The following XKR6 variants were observed in gnomAD, a reference collection of about 807,000 sequenced individuals.
The protein encoded by XKR6 is XK related 6, also known as XK-related protein 6.
Under a neutral mutation model 56.7 loss-of-function variants are expected in XKR6, and 22 were observed. The ratio of observed to expected loss-of-function variants is 0.39; its 90% CI spans 0.28 to 0.55. The LOEUF is 0.55. Among genes scored for constraint, XKR6 ranks in the 20% least tolerant of loss-of-function variants. XKR6 has a pLI of 0.66. For synonymous variants in XKR6, 524 were observed against 387.8 expected, an observed-to-expected ratio of 1.35 and a Z score of -4.13; for missense variants, 852 against 889.0, an observed-to-expected ratio of 0.96 and a Z score of 0.53.
In XKR6 at chr8:10,982,980, C is replaced by A. The variant is rs1361060070; in HGVS notation, c.765-58150G>T. On this transcript the variant is annotated intron_variant, in intron 1 of 2. Transcript: ENST00000416569. ...CATTTAACTTCTCTAAGCCTATTTT[C>A]TTATTTGTGAAATGAAGGCCCATAC... 2.6e-5 allele frequency among the ~76,000 whole-genome samples: 4 copies of A among 152,154 alleles called. No individual in the cohort carries two copies. In the East Asian group the frequency reaches 7.7e-4, roughly 29 times the overall value.
At chr8:10,978,035 T>C (rs780071832) in intron 1 of XKR6, among the ~76,000 whole-genome samples, 5 of 152,050 alleles carry the variant, frequency 3.3e-5, no homozygotes, top group Non-Finnish European at 5.9e-5. Context: ...GGGTCTGCCT[T>C]ATTTAGCCTC....
In XKR6 at chr8:11,166,181, T is replaced by C. The variant is rs77914621; in HGVS notation, c.764+34395A>G. On this transcript the variant is annotated intron_variant, in intron 1 of 2. Coordinates refer to ENST00000416569, the MANE Select transcript of XKR6 (RefSeq NM_173683.4). ...CATGTTGGCCAGCCATACTATTCACTGAAGAGGAAAAAGACCATTGAACTA... is the reference window on the plus strand; with the variant it reads ...CATGTTGGCCAGCCATACTATTCACCGAAGAGGAAAAAGACCATTGAACTA... Among the ~76,000 whole-genome samples the C allele has an allele frequency of 7.3e-3, 1,115 of 152,310 alleles. 43 individuals carry two copies. The East Asian group carries it at 0.085, about 12-fold the overall frequency.
At position 11,053,055 on chromosome 8, in the gene XKR6, C is replaced by T. The variant is rs535984100; in HGVS notation, c.765-128225G>A. ...GGAGGGGCTGAAGCCCAGCTGACCC[C>T]CCCACGCGCCACCCTGTGCACCCAG... On this transcript the variant is annotated intron_variant, in intron 1 of 2. Coordinates refer to ENST00000416569, the MANE Select transcript of XKR6 (RefSeq NM_173683.4). 2.0e-5 allele frequency among the ~76,000 whole-genome samples: 3 copies of T among 152,282 alleles called. No individual in the cohort carries two copies. In the South Asian group the frequency reaches 6.2e-4, roughly 32 times the overall value.
At chr8:11,036,372 G>C (rs1333939315) in intron 1 of XKR6, among the ~76,000 whole-genome samples, 1 of 152,184 alleles carries the variant, frequency 6.6e-6, no homozygotes, top group African/African-American at 2.4e-5. Flanking sequence ...AAGCCACTGT[G>C]CCCCTATTTA....
chr8:10,994,655 T>C (rs970269980), intron 1 of XKR6, among the ~76,000 whole-genome samples: 2 of 152,150 alleles, frequency 1.3e-5, no homozygotes, highest in African/African-American at 4.8e-5. Context: ...GTGCATTGAG[T>C]GTGTACTCTC....
chr8:11,109,768 A>G (rs940148844), intron 1 of XKR6: 1 of 152,086 alleles, frequency 6.6e-6, no homozygotes, highest in African/African-American at 2.4e-5. Context: ...TGCCTGGTTA[A>G]TTCCTTCTGA....
chr8:10,956,483 T>C (rs1801892449), intron 1 of XKR6, among the ~76,000 whole-genome samples: 1 of 152,088 alleles, frequency 6.6e-6, no homozygotes, highest in African/African-American at 2.4e-5. Flanking sequence ...TCCCTGAGGC[T>C]GGAGAGGATG....
intron 1 of XKR6, among the ~76,000 whole-genome samples, chr8:11,039,964 T>C (rs941122234): frequency 6.6e-6 from 1 of 152,294 alleles, no homozygotes; most frequent in Admixed American, 6.5e-5. Flanking sequence ...TGCTGAATTA[T>C]TTATGCCACC....
At chr8:11,150,605 C>G (rs559027922) in intron 1 of XKR6, among the ~76,000 whole-genome samples, 17 of 152,186 alleles carry the variant, frequency 1.1e-4, no homozygotes, top group African/African-American at 3.1e-4. Context: ...ATAATCCCAG[C>G]ACTTCGGGAG....
intron 1 of XKR6, among the ~76,000 whole-genome samples, chr8:11,143,842 C>A (rs2116945454): frequency 6.6e-6 from 1 of 152,278 alleles, no homozygotes; most frequent in South Asian, 2.1e-4. Flanking sequence ...TGGGTGACTT[C>A]AACAACAGAA....
intron 1 of XKR6, among the ~76,000 whole-genome samples, chr8:11,016,598 C>CTGCA (rs1228756890): frequency 1.3e-5 from 2 of 152,226 alleles, no homozygotes; most frequent in Non-Finnish European, 2.9e-5. Context: ...CTCCGGCTGG[C>CTGCA]TGCAGCGCGG....
chr8:10,993,712 C>T (rs933678213), intron 1 of XKR6, among the ~76,000 whole-genome samples: 2 of 152,226 alleles, frequency 1.3e-5, no homozygotes, highest in African/African-American at 4.8e-5. Flanking sequence ...CAACATGCCC[C>T]CAGCCCACTT....
chr8:11,054,058 C>T (rs55816624), intron 1 of XKR6, among the ~76,000 whole-genome samples: 12 of 151,956 alleles, frequency 7.9e-5, no homozygotes, highest in East Asian at 1.9e-4. Flanking sequence ...CTGTTTTGTG[C>T]GAAATAAAAT....
At chr8:11,076,381 A>G (rs188513287) in intron 1 of XKR6, among the ~76,000 whole-genome samples, 84 of 152,284 alleles carry the variant, frequency 5.5e-4, no homozygotes, top group Non-Finnish European at 9.4e-4. Flanking sequence ...ATTTTATATT[A>G]TGCATATTTT....
chr8:10,913,518 C>A (rs925791700), intron 2 of XKR6, among the ~76,000 whole-genome samples: 5 of 152,208 alleles, frequency 3.3e-5, no homozygotes, highest in Non-Finnish European at 5.9e-5. Flanking sequence ...CACCCCCCAG[C>A]CATCGCTGTT....
intron 1 of XKR6, chr8:11,108,275 T>C (rs1183004288): frequency 4.4e-6 from 2 of 455,978 alleles, no homozygotes; most frequent in Non-Finnish European, 8.8e-6. Context: ...TCTGTGAATC[T>C]TGACCATTTT....
rs367892132 is a variant in XKR6 at position 11,103,981 on chromosome 8, T to C, written c.764+96595A>G. ...ACCCTTGGGAGGAGATGCGGAGTAATACTGCAAATGAAGTCCAAAATATCC... is the reference window on the plus strand; with the variant it reads ...ACCCTTGGGAGGAGATGCGGAGTAACACTGCAAATGAAGTCCAAAATATCC... On this transcript the variant is annotated intron_variant, in intron 1 of 2. Coordinates refer to ENST00000416569, the MANE Select transcript of XKR6 (RefSeq NM_173683.4). 7.2e-4 allele frequency among the ~76,000 whole-genome samples: 110 copies of C among 152,344 alleles called. 1 individual carries two copies. Among genetic ancestry groups the C allele is most frequent in the African/African-American group, 2.4e-3 (100 of 41,576 alleles).
Position 11,133,266 on chromosome 8 carries a change from T to C in XKR6, c.764+67310A>G, listed in dbSNP as rs183292156. Reference sequence around the variant, plus strand: ...AGCTAGAATCACAGGTTGACAGATCTACAAAAATACGGCGTCAGCTTCACA... The same window carrying C: ...AGCTAGAATCACAGGTTGACAGATCCACAAAAATACGGCGTCAGCTTCACA... On this transcript the variant is annotated intron_variant, in intron 1 of 2. Coordinates refer to ENST00000416569, the MANE Select transcript of XKR6 (RefSeq NM_173683.4). Among the ~76,000 whole-genome samples the C allele has an allele frequency of 1.5e-3, 235 of 152,270 alleles. 1 individual carries two copies. The highest frequency in any genetic ancestry group is 2.9e-3 in the Admixed American group (45 of 15,298).
intron 1 of XKR6, chr8:11,107,972 A>T (rs769666979): frequency 3.2e-6 from 1 of 309,542 alleles, no homozygotes; most frequent in East Asian, 9.7e-5. Flanking sequence ...CCATCTCTCC[A>T]CTCGGTCCCA....
Sources: gnomAD v4.1 joint callset for allele counts (sites outside exome capture counted in the v4.1 genomes callset) on GRCh38, gnomAD v4.1.1 for gene constraint, MANE v1.5 for transcripts, NCBI Gene and HGNC (gene_info 2026-07-23, HGNC 2026-07-21) for gene names.